The following COL25A1 variants were observed in gnomAD, a reference collection of about 807,000 sequenced individuals.
The protein encoded by COL25A1 is collagen alpha-1(XXV) chain.
A neutral mutation model predicts 128.4 loss-of-function variants in COL25A1; 103 were observed. The observed-to-expected ratio is 0.80, with a 90% CI of 0.68 to 0.94. The LOEUF is 0.94. Among genes scored for constraint, COL25A1 ranks in the 40% least tolerant of loss-of-function variants. The pLI is 0.00. For missense variants in COL25A1, 745 were observed against 840.0 expected, an observed-to-expected ratio of 0.89 and a Z score of 1.40; for synonymous variants, 279 against 277.2, an observed-to-expected ratio of 1.01 and a Z score of -0.06.
At chr4:108,817,704 C>A (rs1578437486) in intron 36 of COL25A1, among the ~76,000 whole-genome samples, 1 of 152,124 alleles carries the variant, frequency 6.6e-6, no homozygotes, top group African/African-American at 2.4e-5. Context: ...ATTTACAAAG[C>A]ATAGTGCTCT....
intron 8 of COL25A1, among the ~76,000 whole-genome samples, chr4:108,967,263 A>G (rs1751420490): frequency 1.3e-5 from 2 of 152,192 alleles, no homozygotes; most frequent in Admixed American, 1.3e-4. Context: ...CCTTATTGTT[A>G]TTATTTCAAA....
chr4:109,002,153 T>C (rs1175312463), intron 6 of COL25A1, among the ~76,000 whole-genome samples: 1 of 152,004 alleles, frequency 6.6e-6, no homozygotes, highest in African/African-American at 2.4e-5. Flanking sequence ...TGTATAGAGG[T>C]TTCTCAAAAA....
chr4:109,198,247 G>C (rs561500079), intron 3 of COL25A1, among the ~76,000 whole-genome samples: 3 of 150,140 alleles, frequency 2.0e-5, no homozygotes, highest in African/African-American at 7.3e-5. Context: ...TTAGCTCCCT[G>C]AACAGTAAAG....
chr4:109,251,634 C>T (rs1215756393), intron 3 of COL25A1, among the ~76,000 whole-genome samples: 1 of 152,182 alleles, frequency 6.6e-6, no homozygotes, highest in East Asian at 1.9e-4. Context: ...TCCTAACTTT[C>T]ATTTCAATGG....
chr4:108,876,161 G>A (rs931336109), intron 19 of COL25A1, among the ~76,000 whole-genome samples: 5 of 150,962 alleles, frequency 3.3e-5, no homozygotes, highest in African/African-American at 1.2e-4. Context: ...GTATACCTAT[G>A]TATCAAACCT....
rs192302085 is a variant in COL25A1, at chr4:109,173,873, C to T, written c.368-123694G>A. Among the ~76,000 whole-genome samples, 71 of 151,864 alleles carry T rather than the reference C, an allele frequency of 4.7e-4. No individual in the cohort carries two copies. In the East Asian group the frequency reaches 0.013, roughly 28 times the overall value. On this transcript the variant is annotated intron_variant, in intron 3 of 37. Coordinates refer to ENST00000399132, the MANE Select transcript of COL25A1 (RefSeq NM_198721.4). ...TTGAGAATATTTGCATTATACTTAC[C>T]GGTTAAGCATCCCAGATTCAAAACT... is the stretch of plus-strand genomic sequence containing the variant.
At chr4:108,978,551 T>C (rs1241476540) in intron 6 of COL25A1, among the ~76,000 whole-genome samples, 1 of 152,198 alleles carries the variant, frequency 6.6e-6, no homozygotes, top group Non-Finnish European at 1.5e-5. Flanking sequence ...TTTTTTTTTA[T>C]CTTTAGCATT....
intron 3 of COL25A1, among the ~76,000 whole-genome samples, chr4:109,219,301 C>T (rs371647366): frequency 2.8e-4 from 42 of 152,216 alleles, no homozygotes; most frequent in African/African-American, 9.9e-4. Flanking sequence ...GGTTTCTAGT[C>T]CAGTGTACTC....
At chr4:109,248,727 C>T (rs1780447685) in intron 3 of COL25A1, among the ~76,000 whole-genome samples, 1 of 152,072 alleles carries the variant, frequency 6.6e-6, no homozygotes, top group Admixed American at 6.6e-5. Context: ...CTCCGGTGAA[C>T]AGCTGATTAA....
chr4:109,249,278 A>G (rs1447623906), intron 3 of COL25A1, among the ~76,000 whole-genome samples: 1 of 152,166 alleles, frequency 6.6e-6, no homozygotes, highest in Non-Finnish European at 1.5e-5. Context: ...TCATCTCCTA[A>G]TAGACTATAA....
At chr4:108,987,847 A>G (rs141306267) in intron 6 of COL25A1, among the ~76,000 whole-genome samples, 205 of 152,312 alleles carry the variant, frequency 1.3e-3, no homozygotes, top group African/African-American at 4.7e-3. Context: ...GCAATCATTG[A>G]TGACTCATCT....
intron 3 of COL25A1, among the ~76,000 whole-genome samples, chr4:109,161,890 T>C (rs1290649703): frequency 3.3e-5 from 5 of 151,968 alleles, no homozygotes; most frequent in Non-Finnish European, 7.4e-5. Flanking sequence ...TTAACTAGAG[T>C]AAGGTATGAA....
At chr4:109,105,154 T>C (rs538479587) in intron 3 of COL25A1, among the ~76,000 whole-genome samples, 1 of 152,186 alleles carries the variant, frequency 6.6e-6, no homozygotes, top group Non-Finnish European at 1.5e-5. Flanking sequence ...TACTTTTGCA[T>C]TTGTTTTTAT....
chr4:108,853,020 T>C (rs1214741261), intron 24 of COL25A1, 95 bp from the exon 25 acceptor site: 1 of 1,109,512 alleles, frequency 9.0e-7, no homozygotes, highest in African/African-American at 1.6e-5. Flanking sequence ...TTTGAATATG[T>C]TTGGCTAGTC....
At chr4:109,071,809 T>A (rs1362316890) in intron 3 of COL25A1, among the ~76,000 whole-genome samples, 3 of 152,066 alleles carry the variant, frequency 2.0e-5, no homozygotes, top group East Asian at 1.9e-4. Flanking sequence ...CAGGTGCTGG[T>A]GAGGATGTGG....
At chr4:108,849,632 T>C (rs1279969391) in intron 26 of COL25A1, among the ~76,000 whole-genome samples, 1 of 152,206 alleles carries the variant, frequency 6.6e-6, no homozygotes. Context: ...AGCATTATTT[T>C]GTATCAATGA....
chr4:108,817,677 C>T (rs1035218884), intron 36 of COL25A1, among the ~76,000 whole-genome samples: 3 of 152,072 alleles, frequency 2.0e-5, no homozygotes. Context: ...AATGTTATGC[C>T]TAATTTTGAA....
At chr4:109,154,633 T>G (rs547297922) in intron 3 of COL25A1, among the ~76,000 whole-genome samples, 7 of 152,120 alleles carry the variant, frequency 4.6e-5, no homozygotes, top group Admixed American at 2.0e-4. Flanking sequence ...AGCAAGAATA[T>G]GAAGACACCG....
At chr4:108,974,602 T>G (rs188958995) in intron 6 of COL25A1, 43 bp from the exon 7 acceptor site, 1 of 1,469,788 alleles carries the variant, frequency 6.8e-7, no homozygotes, top group African/African-American at 1.4e-5. Flanking sequence ...TAAAAAAAGA[T>G]ATTGTAAACT....
Sources: gnomAD v4.1 joint callset for allele counts (sites outside exome capture counted in the v4.1 genomes callset) on GRCh38, gnomAD v4.1.1 for gene constraint, MANE v1.5 for transcripts, NCBI Gene and HGNC (gene_info 2026-07-23, HGNC 2026-07-21) for gene names.